Variants in RPRD1A observed in about 807,000 individuals in gnomAD.
The protein encoded by RPRD1A is regulation of nuclear pre-mRNA domain containing 1A.
A neutral mutation model predicts 37.8 loss-of-function variants in RPRD1A; 9 were observed. The ratio of observed to expected loss-of-function variants is 0.24; its 90% CI spans 0.14 to 0.42. The LOEUF is 0.42. Among genes scored for constraint, RPRD1A ranks in the 10% least tolerant of loss-of-function variants. RPRD1A has a pLI of 1.00. For synonymous variants in RPRD1A, 138 were observed against 139.7 expected (o/e 0.99, Z 0.08); for missense variants, 255 against 371.0 (o/e 0.69, Z 2.57).
chr18:36,006,076 A>G (rs761804722), intron 6 of RPRD1A, among the ~76,000 whole-genome samples: 8 of 152,362 alleles, frequency 5.3e-5, no homozygotes, highest in Non-Finnish European at 1.0e-4. Context: ...AATTAATGAA[A>G]ATAGAAGAAG....
At chr18:36,029,687 T>C (rs1911628520) in intron 4 of RPRD1A, among the ~76,000 whole-genome samples, 1 of 149,608 alleles carries the variant, frequency 6.7e-6, no homozygotes, top group Non-Finnish European at 1.5e-5. Context: ...TACCATACCA[T>C]ACCAACATGT....
At chr18:36,021,815 C>G (rs1027796334) in intron 6 of RPRD1A, among the ~76,000 whole-genome samples, 7 of 152,134 alleles carry the variant, frequency 4.6e-5, no homozygotes, top group African/African-American at 1.7e-4. Flanking sequence ...GCTTGGGCAA[C>G]ATAGTGAGAC....
intron 6 of RPRD1A, among the ~76,000 whole-genome samples, chr18:36,008,577 G>GTATATATATATATATATATATATATA (rs141531156): frequency 7.3e-4 from 35 of 47,792 alleles, no homozygotes; most frequent in African/African-American, 2.4e-3. Flanking sequence ...CCTTGTGTGT[G>GTATATATATATATATATATATATATA]TATATATATA....
rs926815722 is a variant in RPRD1A at position 35,994,239 on chromosome 18, G to A, written c.790-939C>T. ...CATGGCACAAGGCAGGGAGATTCAC[G>A]CTCTTTCCAAATGTGGTCACAGGTA... On this transcript the variant is annotated intron_variant, in intron 6 of 6. Coordinates refer to ENST00000399022, the MANE Select transcript of RPRD1A (RefSeq NM_018170.5). Among the ~76,000 whole-genome samples, 6 of 152,170 alleles carry A rather than the reference G, an allele frequency of 3.9e-5. No homozygotes were observed. The East Asian group carries it at 9.6e-4, about 24-fold the overall frequency.
At chr18:36,041,702 G>A (rs1261187885) in intron 1 of RPRD1A, among the ~76,000 whole-genome samples, 1 of 152,180 alleles carries the variant, frequency 6.6e-6, no homozygotes, top group African/African-American at 2.4e-5. Flanking sequence ...GTGGCATTGT[G>A]GGGAAGACGT....
chr18:36,001,273 A>C (rs538077909), intron 6 of RPRD1A, among the ~76,000 whole-genome samples: 2 of 152,308 alleles, frequency 1.3e-5, no homozygotes, highest in African/African-American at 4.8e-5. Context: ...AGAGAGAGTA[A>C]GCCAGGAGCT....
Position 35,993,291 on chromosome 18 carries a change from G to A in RPRD1A, c.799C>T (p.Arg267Cys), listed in dbSNP as rs767361358. The A allele has an allele frequency of 9.9e-6, 16 of 1,614,098 alleles. No homozygotes were observed. The highest frequency in any genetic ancestry group is 4.5e-5 in the East Asian group (2 of 44,880). The change falls in exon 7 of 7, where the codon CGC becomes TGC. Residue 267 changes from arginine to cysteine, a missense_variant. By Grantham distance (180) the Arg-to-Cys change is radical. Transcript: ENST00000399022. ...ACCAGGGAAACTCTGGCTAGCTTGC[G>A]CTTGTACTCCTGTAACATCAAACCA... ...EKEHKLEEYKRKLARVSLVRK... is the reference protein window; with the variant it reads ...EKEHKLEEYKCKLARVSLVRK...
intron 6 of RPRD1A, among the ~76,000 whole-genome samples, chr18:36,004,617 C>T (rs115344759): frequency 0.063 from 9,548 of 152,122 alleles, 312 homozygotes; most frequent in Non-Finnish European, 0.082. Context: ...TCAATAGGTC[C>T]AACAAGTATA....
At chr18:35,996,977 CAAA>C (rs200694089) in intron 6 of RPRD1A, among the ~76,000 whole-genome samples, 2 of 55,612 alleles carry the variant, frequency 3.6e-5, no homozygotes, top group Non-Finnish European at 7.2e-5. Context: ...GACCCTGTCT[CAAA>C]AAAAAAAAAA....
chr18:36,065,328 TTTTG>T (rs144682767), intron 1 of RPRD1A, among the ~76,000 whole-genome samples: 2,377 of 152,316 alleles, frequency 0.016, 78 homozygotes, highest in African/African-American at 0.054. Context: ...TAGCTCAAGA[TTTTG>T]TTTGTTTTTC....
intron 6 of RPRD1A, chr18:36,025,870 CT>C (rs1466768029): frequency 6.4e-6 from 2 of 312,580 alleles, no homozygotes; most frequent in Non-Finnish European, 1.2e-5. Flanking sequence ...AAAAAACCAT[CT>C]TTTCCTTTCC....
chr18:36,058,550 G>T (rs1393378929), intron 1 of RPRD1A, among the ~76,000 whole-genome samples: 1 of 152,082 alleles, frequency 6.6e-6, no homozygotes, highest in African/African-American at 2.4e-5. Context: ...AACGTCACAG[G>T]AAAGAGAACC....
chr18:36,021,440 G>A (rs907645149), intron 6 of RPRD1A, among the ~76,000 whole-genome samples: 2 of 152,202 alleles, frequency 1.3e-5, no homozygotes, highest in African/African-American at 4.8e-5. Flanking sequence ...TGTTCTCACT[G>A]CTCCACTGAC....
intron 1 of RPRD1A, among the ~76,000 whole-genome samples, chr18:36,057,133 A>C (rs993833782): frequency 6.8e-6 from 1 of 147,918 alleles, no homozygotes; most frequent in Non-Finnish European, 1.5e-5. Flanking sequence ...AGGAGGATTG[A>C]TTGAGCCTGG....
At chr18:36,040,439 A>C (rs1245755718) in intron 1 of RPRD1A, among the ~76,000 whole-genome samples, 2 of 152,216 alleles carry the variant, frequency 1.3e-5, no homozygotes, top group African/African-American at 2.4e-5. Flanking sequence ...TACATTATAT[A>C]TGAGGGAATA....
At chr18:36,008,193 CA>C (rs1261778606) in intron 6 of RPRD1A, among the ~76,000 whole-genome samples, 1 of 152,022 alleles carries the variant, frequency 6.6e-6, no homozygotes, top group Non-Finnish European at 1.5e-5. Flanking sequence ...TTTTAAAAGG[CA>C]TTGTCTGTAT....
chr18:36,042,763 A>G (rs903769807), intron 1 of RPRD1A, among the ~76,000 whole-genome samples: 2 of 152,246 alleles, frequency 1.3e-5, no homozygotes, highest in Non-Finnish European at 2.9e-5. Flanking sequence ...GACCAAGACT[A>G]AAGTCTGACA....
intron 6 of RPRD1A, among the ~76,000 whole-genome samples, chr18:36,012,019 A>C (rs1910208781): frequency 6.6e-6 from 1 of 152,210 alleles, no homozygotes; most frequent in African/African-American, 2.4e-5. Context: ...GACAAAAATC[A>C]TCCCTTAATC....
chr18:36,048,512 A>C (rs28435069), intron 1 of RPRD1A, among the ~76,000 whole-genome samples: 1 of 152,064 alleles, frequency 6.6e-6, no homozygotes, highest in African/African-American at 2.4e-5. Context: ...ACATTAACAG[A>C]CTAAAAAGAA....
Sources: gnomAD v4.1 joint callset for allele counts (sites outside exome capture counted in the v4.1 genomes callset) on GRCh38, gnomAD v4.1.1 for gene constraint, MANE v1.5 for transcripts, NCBI Gene and HGNC (gene_info 2026-07-23, HGNC 2026-07-21) for gene names.